Variants in CWC27 observed in about 807,000 individuals in gnomAD.
CWC27 encodes the protein spliceosome-associated protein CWC27 homolog.
Under a neutral mutation model 63.6 loss-of-function variants are expected in CWC27, and 47 were observed. The ratio of observed to expected loss-of-function variants is 0.74; its 90% CI spans 0.58 to 0.94. CWC27 has a LOEUF of 0.94. Among genes scored for constraint, CWC27 ranks in the 40% least tolerant of loss-of-function variants. The pLI is 0.00. For synonymous variants in CWC27, 175 were observed against 179.8 expected, an observed-to-expected ratio of 0.97 and a Z score of 0.22; for missense variants, 495 against 554.3, an observed-to-expected ratio of 0.89 and a Z score of 1.07.
chr5:64,806,099 G>C (rs983497630), intron 10 of CWC27, among the ~76,000 whole-genome samples: 2 of 141,614 alleles, frequency 1.4e-5, no homozygotes, highest in African/African-American at 5.4e-5. Flanking sequence ...TGACTTAACA[G>C]ACATTTAAAG....
intron 11 of CWC27, among the ~76,000 whole-genome samples, chr5:64,898,703 G>T (rs1433659431): frequency 6.6e-6 from 1 of 152,090 alleles, no homozygotes; most frequent in African/African-American, 2.4e-5. Context: ...CTCAAAAAAT[G>T]CCATGTTTAA....
chr5:64,940,486 T>C (rs1748451584), intron 11 of CWC27, among the ~76,000 whole-genome samples: 1 of 152,120 alleles, frequency 6.6e-6, no homozygotes, highest in Non-Finnish European at 1.5e-5. Context: ...GTTACCTCAG[T>C]TGGAAATGCA....
chr5:64,794,737 T>G (rs1232863735), intron 7 of CWC27, among the ~76,000 whole-genome samples: 1 of 152,184 alleles, frequency 6.6e-6, no homozygotes, highest in African/African-American at 2.4e-5. Context: ...TCTGGAATAT[T>G]GCTCCCTTCA....
intron 9 of CWC27, 99 bp from the exon 10 acceptor site, chr5:64,804,130 G>C: frequency 9.4e-7 from 1 of 1,067,598 alleles, no homozygotes. Context: ...AAAAAACCTA[G>C]TTTAGAATGC....
chr5:64,841,804 TA>T (rs1745850620), intron 10 of CWC27, among the ~76,000 whole-genome samples: 1 of 152,094 alleles, frequency 6.6e-6, no homozygotes, highest in Non-Finnish European at 1.5e-5. Context: ...GCCTCCTGAG[TA>T]GCTGGGATTA....
rs1561190912 is a variant in CWC27 at position 65,018,595 on chromosome 5, G to A, written c.*274G>A. ...CCTTCCACATTACATGTTAACCATT[G>A]CAGACTGCAAGCCTGTTTGTGTCCT... On this transcript the variant is annotated 3_prime_UTR_variant, in exon 14 of 14. Transcript: ENST00000381070. 1 of 233,210 alleles carries A rather than the reference G, an allele frequency of 4.3e-6. No individual in the cohort carries two copies. Among genetic ancestry groups the A allele is most frequent in the Non-Finnish European group, 8.2e-6 (1 of 121,292 alleles). 14.4% of individuals were successfully genotyped at this position (233,210 alleles called of 1,614,324 possible). A position where few individuals can be genotyped will look rare whatever the true frequency, so the allele number is the denominator to read the frequency against.
At chr5:64,820,505 C>G (rs1359523237) in intron 10 of CWC27, among the ~76,000 whole-genome samples, 1 of 151,650 alleles carries the variant, frequency 6.6e-6, no homozygotes, top group African/African-American at 2.4e-5. Context: ...TATATGTGAA[C>G]CAATATCTAG....
chr5:64,770,802 T>C (rs1743223517), intron 1 of CWC27, among the ~76,000 whole-genome samples: 1 of 152,196 alleles, frequency 6.6e-6, no homozygotes, highest in African/African-American at 2.4e-5. Context: ...GAGTTTGAGG[T>C]TATACTGCTG....
chr5:64,813,200 A>G (rs1012138668), intron 10 of CWC27, among the ~76,000 whole-genome samples: 1 of 152,184 alleles, frequency 6.6e-6, no homozygotes, highest in Admixed American at 6.6e-5. Context: ...AATAGAAACC[A>G]TACTATATTT....
At position 64,878,470 on chromosome 5, in the gene CWC27, T is replaced by TAAAAAAAAAAAAAAAAAAAAAAAAA. The variant is rs397998002; in HGVS notation, c.939-6967_939-6943dup. Reference sequence around the variant, plus strand: ...GTCAGCACTGTCCTGGGTTACAGATTAAAAAAAAAAAAAAAAAAAAAAAAA... The same window carrying TAAAAAAAAAAAAAAAAAAAAAAAAA: ...GTCAGCACTGTCCTGGGTTACAGATTAAAAAAAAAAAAAAAAAAAAAAAAAAAAAAAAAAAAAAAAAAAAAAAAAA... On this transcript the variant is annotated intron_variant, in intron 10 of 13. Coordinates refer to ENST00000381070, the MANE Select transcript of CWC27 (RefSeq NM_005869.4). 3.0e-4 allele frequency among the ~76,000 whole-genome samples: 8 copies of TAAAAAAAAAAAAAAAAAAAAAAAAA among 26,936 alleles called. 2 individuals carry two copies. Among genetic ancestry groups the TAAAAAAAAAAAAAAAAAAAAAAAAA allele is most frequent in the East Asian group, 3.1e-3 (2 of 638 alleles). 17.7% of individuals were successfully genotyped at this position (26,936 alleles called of 152,430 possible).
intron 10 of CWC27, chr5:64,807,671 G>A: frequency 1.3e-6 from 2 of 1,535,882 alleles, no homozygotes; most frequent in Non-Finnish European, 1.7e-6. Context: ...ATACAAGCTG[G>A]TATTATTATG....
chr5:64,791,360 G>C (rs1350087271), intron 7 of CWC27, among the ~76,000 whole-genome samples: 4 of 152,008 alleles, frequency 2.6e-5, no homozygotes, highest in African/African-American at 7.2e-5. Context: ...AAAATGGTAT[G>C]TTTACATTAT....
At chr5:64,827,232 A>G (rs763183456) in intron 10 of CWC27, among the ~76,000 whole-genome samples, 2 of 152,182 alleles carry the variant, frequency 1.3e-5, no homozygotes, top group South Asian at 4.1e-4. Context: ...AATCTGTTTA[A>G]GTTTCAATGA....
chr5:64,933,485 TTTTC>T (rs1347885476), intron 11 of CWC27, among the ~76,000 whole-genome samples: 1 of 151,798 alleles, frequency 6.6e-6, no homozygotes, highest in African/African-American at 2.4e-5. Flanking sequence ...GTACATACAT[TTTTC>T]TTTCTCTTTT....
At chr5:64,827,729 A>G (rs1315269264) in intron 10 of CWC27, among the ~76,000 whole-genome samples, 2 of 151,918 alleles carry the variant, frequency 1.3e-5, no homozygotes, top group Non-Finnish European at 2.9e-5. Flanking sequence ...AAGATACTAC[A>G]TACTTATTGA....
At chr5:64,809,614 G>A (rs1458029790) in intron 10 of CWC27, among the ~76,000 whole-genome samples, 3 of 152,102 alleles carry the variant, frequency 2.0e-5, no homozygotes, top group Non-Finnish European at 4.4e-5. Context: ...TGATCCACCC[G>A]CCTCTGCCTC....
At chr5:64,988,075 G>A (rs1478871780) in intron 13 of CWC27, among the ~76,000 whole-genome samples, 1 of 152,100 alleles carries the variant, frequency 6.6e-6, no homozygotes, top group Non-Finnish European at 1.5e-5. Context: ...TAGACCTTTG[G>A]TGTTCTCTGT....
At chr5:64,790,081 A>G (rs572915551) in intron 7 of CWC27, among the ~76,000 whole-genome samples, 2 of 152,272 alleles carry the variant, frequency 1.3e-5, no homozygotes, top group South Asian at 2.1e-4. Context: ...TGGTGTGTAT[A>G]TGAAATATTT....
chr5:64,980,913 G>A lies in CWC27; in HGVS notation c.1256+3675G>A, dbSNP rs1472061043. ...TTGAGACCAGCCTGGCCAACATGGC[G>A]AAACCCCATCTCTACTAAAAGTACA... On this transcript the variant is annotated intron_variant, in intron 13 of 13. Coordinates refer to ENST00000381070, the MANE Select transcript of CWC27 (RefSeq NM_005869.4). 5.9e-5 allele frequency among the ~76,000 whole-genome samples: 9 copies of A among 152,222 alleles called. 1 individual carries two copies. Among genetic ancestry groups the A allele is most frequent in the Non-Finnish European group, 1.5e-5 (1 of 68,004 alleles).
Sources: gnomAD v4.1 joint callset for allele counts (sites outside exome capture counted in the v4.1 genomes callset) on GRCh38, gnomAD v4.1.1 for gene constraint, MANE v1.5 for transcripts, NCBI Gene and HGNC (gene_info 2026-07-23, HGNC 2026-07-21) for gene names.